The following MCUB variants were observed in gnomAD, a reference collection of about 807,000 sequenced individuals.
MCUB encodes the protein calcium uniporter regulatory subunit MCUb, mitochondrial.
MCUB carries 46 observed loss-of-function variants against 41.4 expected under a neutral mutation model. The observed-to-expected ratio is 1.11, with a 90% CI of 0.88 to 1.42. MCUB has a LOEUF of 1.42. Ranked by LOEUF, MCUB falls within the 40% of genes most tolerant of loss-of-function variation. MCUB has a pLI of 0.00. For synonymous variants in MCUB, 148 were observed against 148.2 expected (o/e 1.00, Z 0.01); for missense variants, 403 against 404.9 (o/e 1.00, Z 0.04).
chr4:109,590,330 T>C (rs897071513), intron 1 of MCUB, among the ~76,000 whole-genome samples: 1 of 152,236 alleles, frequency 6.6e-6, no homozygotes, highest in Non-Finnish European at 1.5e-5. Flanking sequence ...TCTTTGCTTA[T>C]AGTTTAAATA....
rs140757198 is a variant in MCUB at position 109,633,310 on chromosome 4, C to T, written c.100-25701C>T. On this transcript the variant is annotated intron_variant, in intron 1 of 7. Transcript: ENST00000394650. ...TGAGACAAAGTCTCGGTCTGTCGCCCGGGCTGGAGTGCAGTGGCGCGATCT... is the reference window on the plus strand; with the variant it reads ...TGAGACAAAGTCTCGGTCTGTCGCCTGGGCTGGAGTGCAGTGGCGCGATCT... Among the ~76,000 whole-genome samples the T allele has an allele frequency of 3.4e-3, 519 of 151,866 alleles. 2 individuals carry two copies. Among genetic ancestry groups the T allele is most frequent in the African/African-American group, 0.011 (470 of 41,436 alleles).
chr4:109,619,022 A>ACCTGCCTGCCTG (rs70954173), intron 1 of MCUB, among the ~76,000 whole-genome samples: 119 of 134,460 alleles, frequency 8.9e-4, no homozygotes, highest in African/African-American at 1.6e-3. Context: ...CTACCTATCT[A>ACCTGCCTGCCTG]CCTGCCTGCC....
intron 5 of MCUB, 72 bp downstream of exon 5, chr4:109,682,814 A>AT (rs1729750210): frequency 1.8e-6 from 2 of 1,137,746 alleles, no homozygotes; most frequent in African/African-American, 3.2e-5. Flanking sequence ...TCATGTGAGC[A>AT]TTTTTCTGAA....
chr4:109,658,355 T>C (rs897586119), intron 1 of MCUB, among the ~76,000 whole-genome samples: 5 of 152,026 alleles, frequency 3.3e-5, no homozygotes, highest in African/African-American at 7.2e-5. Flanking sequence ...TGGAGTGCAA[T>C]GATGGGATCT....
intron 1 of MCUB, among the ~76,000 whole-genome samples, chr4:109,656,175 A>G (rs147218776): frequency 2.0e-5 from 3 of 152,104 alleles, no homozygotes; most frequent in Admixed American, 6.6e-5. Context: ...CACCAATGGC[A>G]TTTAGGAACC....
At chr4:109,593,496 C>A (rs535696308) in intron 1 of MCUB, among the ~76,000 whole-genome samples, 1 of 152,314 alleles carries the variant, frequency 6.6e-6, no homozygotes, top group African/African-American at 2.4e-5. Flanking sequence ...TGAGATCACG[C>A]TGGGCCTTCT....
intron 1 of MCUB, among the ~76,000 whole-genome samples, chr4:109,598,492 A>T (rs918560098): frequency 2.6e-5 from 4 of 151,988 alleles, no homozygotes; most frequent in Non-Finnish European, 5.9e-5. Context: ...GGCACTCGGC[A>T]GGCTGAGGCA....
chr4:109,608,875 A>G (rs1489323079), intron 1 of MCUB, among the ~76,000 whole-genome samples: 1 of 152,110 alleles, frequency 6.6e-6, no homozygotes, highest in African/African-American at 2.4e-5. Context: ...ATTTCCAAAT[A>G]TTTAAAGGGA....
intron 1 of MCUB, among the ~76,000 whole-genome samples, chr4:109,597,678 C>A (rs547342238): frequency 1.6e-5 from 2 of 121,888 alleles, no homozygotes; most frequent in African/African-American, 6.6e-5. Context: ...GCTGGCCGGG[C>A]GGGGGGCTGA....
At position 109,668,929 on chromosome 4, in the gene MCUB, C is replaced by A. The variant is rs772038654; in HGVS notation, c.451+4535C>A. Among the ~76,000 whole-genome samples, 18 of 152,120 alleles carry A rather than the reference C, an allele frequency of 1.2e-4. 1 individual carries two copies. The highest frequency in any genetic ancestry group is 2.6e-4 in the Admixed American group (4 of 15,280). On this transcript the variant is annotated intron_variant, in intron 4 of 7. Transcript: ENST00000394650. ...AAATACCTTATAATAACAAAATAAT[C>A]CTGATTTCTCCCTCATGCCCCTTGT...
chr4:109,590,402 C>T (rs867457931), intron 1 of MCUB, among the ~76,000 whole-genome samples: 7 of 152,042 alleles, frequency 4.6e-5, no homozygotes, highest in African/African-American at 9.7e-5. Context: ...ATGCCATTTC[C>T]GTGTGTTATC....
At chr4:109,662,822 T>C (rs1729256910) in intron 3 of MCUB, among the ~76,000 whole-genome samples, 1 of 152,220 alleles carries the variant, frequency 6.6e-6, no homozygotes, top group Admixed American at 6.5e-5. Flanking sequence ...TGCTGATTTT[T>C]TTTTTCTTCT....
At chr4:109,667,668 ATATT>A (rs1361320313) in intron 4 of MCUB, among the ~76,000 whole-genome samples, 3 of 149,820 alleles carry the variant, frequency 2.0e-5, no homozygotes, top group Non-Finnish European at 3.0e-5. Context: ...ATATTCTACT[ATATT>A]TATTATCTCT....
At chr4:109,629,262 G>A (rs947643122) in intron 1 of MCUB, among the ~76,000 whole-genome samples, 1 of 152,086 alleles carries the variant, frequency 6.6e-6, no homozygotes, top group Non-Finnish European at 1.5e-5. Flanking sequence ...TCAGCCTTAA[G>A]AGCTTAAGTT....
At chr4:109,663,528 G>A (rs796129227) in intron 3 of MCUB, among the ~76,000 whole-genome samples, 41 of 151,732 alleles carry the variant, frequency 2.7e-4, no homozygotes, top group African/African-American at 9.7e-4. Context: ...TTATTTCTTA[G>A]GCATCACGTT....
intron 1 of MCUB, among the ~76,000 whole-genome samples, chr4:109,647,952 A>G (rs2126141861): frequency 6.6e-6 from 1 of 152,308 alleles, no homozygotes; most frequent in South Asian, 2.1e-4. Flanking sequence ...ACCATGTAAA[A>G]CAAGGCTTCC....
chr4:109,670,290 T>G (rs1157719940), intron 4 of MCUB, among the ~76,000 whole-genome samples: 1 of 151,748 alleles, frequency 6.6e-6, no homozygotes, highest in Non-Finnish European at 1.5e-5. Context: ...CCCCACCACC[T>G]TAGGTGGGAT....
At chr4:109,596,717 T>C (rs1727563687) in intron 1 of MCUB, among the ~76,000 whole-genome samples, 2 of 133,264 alleles carry the variant, frequency 1.5e-5, no homozygotes, top group Admixed American at 1.6e-4. Flanking sequence ...TTAGGTCTTC[T>C]TAAACTTCTT....
At chr4:109,580,148 C>A (rs969824236) in intron 1 of MCUB, among the ~76,000 whole-genome samples, 2 of 152,138 alleles carry the variant, frequency 1.3e-5, no homozygotes, top group African/African-American at 4.8e-5. Flanking sequence ...TCTGTCCTTG[C>A]AATAGTTTGC....
Sources: gnomAD v4.1 joint callset for allele counts (sites outside exome capture counted in the v4.1 genomes callset) on GRCh38, gnomAD v4.1.1 for gene constraint, MANE v1.5 for transcripts, NCBI Gene and HGNC (gene_info 2026-07-23, HGNC 2026-07-21) for gene names.